The following PSAP variants were observed in gnomAD, a reference collection of about 807,000 sequenced individuals.
PSAP encodes prosaposin.
In PSAP, 25 loss-of-function variants were observed where a neutral mutation model predicts 66.0. The observed-to-expected ratio is 0.38, with a 90% CI of 0.28 to 0.53. The LOEUF is 0.53. PSAP is among the 20% of genes least tolerant of loss of function. PSAP has a pLI of 0.83. For synonymous variants in PSAP, 273 were observed against 258.9 expected, an observed-to-expected ratio of 1.05 and a Z score of -0.52; for missense variants, 649 against 668.8, an observed-to-expected ratio of 0.97 and a Z score of 0.33.
intron 13 of PSAP, 114 bp from the exon 14 acceptor site, chr10:71,817,590 CTGGA>C: frequency 1.0e-6 from 1 of 987,294 alleles, no homozygotes; most frequent in Non-Finnish European, 1.6e-6. Flanking sequence ...CCTAGGTCAG[CTGGA>C]TGGCACCAGA....
chr10:71,848,417 T>C (rs1405290201), intron 1 of PSAP, among the ~76,000 whole-genome samples: 2 of 152,160 alleles, frequency 1.3e-5, no homozygotes, highest in Non-Finnish European at 2.9e-5. Context: ...CAGTAAATGG[T>C]CTATGATTTG....
intron 1 of PSAP, among the ~76,000 whole-genome samples, chr10:71,836,271 C>G (rs1402157854): frequency 6.6e-6 from 1 of 152,184 alleles, no homozygotes; most frequent in Non-Finnish European, 1.5e-5. Context: ...TACCAAGCTC[C>G]CCAGATGGCT....
At chr10:71,843,471 A>C (rs1197644244) in intron 1 of PSAP, among the ~76,000 whole-genome samples, 1 of 152,240 alleles carries the variant, frequency 6.6e-6, no homozygotes, top group Non-Finnish European at 1.5e-5. Context: ...TGAGAGAGTC[A>C]TAAGTAACGT....
At position 71,820,111 on chromosome 10, in the gene PSAP, C is replaced by T. The variant is rs74319798; in HGVS notation, c.1005+129G>A. 40,780 of 985,740 alleles carry T rather than the reference C, an allele frequency of 0.041. 1,054 individuals carry two copies. Among genetic ancestry groups the T allele is most frequent in the Middle Eastern group, 0.11 (376 of 3,394 alleles). The allele number at this position is 985,740 out of a possible 1,614,324, so 61.1% of individuals were successfully genotyped here. A position where few individuals can be genotyped will look rare whatever the true frequency, so the allele number is the denominator to read the frequency against. On this transcript the variant is annotated intron_variant, in intron 9 of 13. Transcript: ENST00000394936. ...TCCCACTGGTGAGGATTGCCTTCCACGAGATGGGGACATGGCTGTACACAT... is the reference window on the plus strand; with the variant it reads ...TCCCACTGGTGAGGATTGCCTTCCATGAGATGGGGACATGGCTGTACACAT...
chr10:71,849,920 T>G (rs941868496), intron 1 of PSAP, among the ~76,000 whole-genome samples: 1 of 152,134 alleles, frequency 6.6e-6, no homozygotes, highest in Non-Finnish European at 1.5e-5. Context: ...TTTTTTTAGC[T>G]TGCCCAAATT....
rs760010045 is a variant in PSAP at position 71,831,284 on chromosome 10, A to T, written c.250-33T>A. The stretch of plus-strand genomic sequence containing the variant: ...AGGACACCAGGGTCAGAATCACGAT[A>T]GGCTTTCCTCCCTGGAAATAAATGG... On this transcript the variant is annotated intron_variant, in intron 3 of 13. Coordinates refer to ENST00000394936, the MANE Select transcript of PSAP (RefSeq NM_002778.4). The T allele has an allele frequency of 1.9e-6, 3 of 1,611,524 alleles. No homozygotes were observed. The East Asian group carries it at 6.7e-5, about 36-fold the overall frequency.
chr10:71,834,898 CTTCTGTA>C (rs1325798182), intron 1 of PSAP, among the ~76,000 whole-genome samples: 1 of 152,100 alleles, frequency 6.6e-6, no homozygotes, highest in Non-Finnish European at 1.5e-5. Flanking sequence ...AAGATTTTGA[CTTCTGTA>C]AAATGGATAA....
At chr10:71,819,346 C>T (rs1842243771) in intron 11 of PSAP, 119 bp downstream of exon 11, 2 of 1,449,356 alleles carry the variant, frequency 1.4e-6, no homozygotes, top group Admixed American at 3.4e-5. Context: ...AGTAAAACTT[C>T]ATTGGACTCC....
intron 1 of PSAP, among the ~76,000 whole-genome samples, chr10:71,843,276 G>T (rs1024851036): frequency 1.3e-5 from 2 of 152,274 alleles, no homozygotes; most frequent in Admixed American, 1.3e-4. Flanking sequence ...GGGCCAGAAG[G>T]CTGGACAGCA....
At chr10:71,822,984 G>T (rs188012315) in intron 7 of PSAP, among the ~76,000 whole-genome samples, 1 of 150,842 alleles carries the variant, frequency 6.6e-6, no homozygotes, top group Non-Finnish European at 1.5e-5. Flanking sequence ...TAATAAGAAC[G>T]CAGCTGAAGA....
At chr10:71,837,181 T>C (rs1161314180) in intron 1 of PSAP, among the ~76,000 whole-genome samples, 1 of 152,226 alleles carries the variant, frequency 6.6e-6, no homozygotes, top group Admixed American at 6.5e-5. Flanking sequence ...AGACACCCCC[T>C]TCTACCTCCA....
At chr10:71,844,893 C>T (rs1228822714) in intron 1 of PSAP, 1 of 152,186 alleles carries the variant, frequency 6.6e-6, no homozygotes, top group Non-Finnish European at 1.5e-5. Flanking sequence ...TCCTTTTCTA[C>T]CGTTGCAGTT....
chr10:71,832,497 C>T (rs749852454), intron 2 of PSAP, among the ~76,000 whole-genome samples: 5 of 152,194 alleles, frequency 3.3e-5, no homozygotes, highest in Admixed American at 1.3e-4. Context: ...TTGATGTCAA[C>T]TGACTTTCCA....
rs144243766 is a variant in PSAP, at chr10:71,833,434, G to C, written c.174+938C>G. ...GATTGTGCCACTGCACTCCAGCCTA[G>C]GTGACAGAGCCAGACCCTGCCTCCA... On this transcript the variant is annotated intron_variant, in intron 2 of 13. Transcript: ENST00000394936. Among the ~76,000 whole-genome samples the C allele has an allele frequency of 6.2e-3, 938 of 152,294 alleles. 8 individuals are homozygous for C. The highest frequency in any genetic ancestry group is 0.018 in the African/African-American group (749 of 41,552).
At chr10:71,836,447 T>A (rs1158573019) in intron 1 of PSAP, among the ~76,000 whole-genome samples, 1 of 152,114 alleles carries the variant, frequency 6.6e-6, no homozygotes, top group African/African-American at 2.4e-5. Context: ...CCAGACCTGA[T>A]GACTCCCACC....
chr10:71,821,726 A>G, intron 8 of PSAP, 150 bp downstream of exon 8: 1 of 1,029,952 alleles, frequency 9.7e-7, no homozygotes, highest in Admixed American at 2.0e-5. Context: ...TATAGGGGAT[A>G]GGATAAACCA....
rs75394278 is a variant in PSAP, at chr10:71,823,408, T to C, written c.778-1401A>G. ...CAGTCTGCTGGCTGTCTGCAAATGT[T>C]TGCTCATGCAGCAGAAGCATTTCTG... On this transcript the variant is annotated intron_variant, in intron 7 of 13. Coordinates refer to ENST00000394936, the MANE Select transcript of PSAP (RefSeq NM_002778.4). Among the ~76,000 whole-genome samples, 896 of 152,326 alleles carry C rather than the reference T, an allele frequency of 5.9e-3. 3 individuals are homozygous for C. The highest frequency in any genetic ancestry group is 9.0e-3 in the Non-Finnish European group (612 of 68,016).
At chr10:71,836,296 T>C (rs141487753) in intron 1 of PSAP, among the ~76,000 whole-genome samples, 38 of 152,252 alleles carry the variant, frequency 2.5e-4, no homozygotes, top group Middle Eastern at 3.4e-3. Context: ...AAAGCTTAGT[T>C]AGCCCGCAGT....
intron 1 of PSAP, among the ~76,000 whole-genome samples, chr10:71,837,993 C>T (rs562372681): frequency 6.6e-6 from 1 of 152,188 alleles, no homozygotes; most frequent in Non-Finnish European, 1.5e-5. Context: ...GGTGAGGGCT[C>T]AACCCCGTGG....
Sources: gnomAD v4.1 joint callset for allele counts (sites outside exome capture counted in the v4.1 genomes callset) on GRCh38, gnomAD v4.1.1 for gene constraint, MANE v1.5 for transcripts, NCBI Gene and HGNC (gene_info 2026-07-23, HGNC 2026-07-21) for gene names.